The following GDAP1 variants were observed in gnomAD, a reference collection of about 807,000 sequenced individuals.
GDAP1 encodes ganglioside-induced differentiation-associated protein 1.
GDAP1 carries 34 observed loss-of-function variants against 40.1 expected under a neutral mutation model. The observed-to-expected ratio is 0.85, with a 90% CI of 0.64 to 1.13. GDAP1 has a LOEUF of 1.13. GDAP1 is among the 50% of genes most tolerant of loss of function. The probability of loss-of-function intolerance (pLI) is 0.00; values close to 1 mark genes in which losing one functional copy is unlikely to be tolerated. For missense variants in GDAP1, 374 were observed against 433.7 expected, an observed-to-expected ratio of 0.86 and a Z score of 1.22; for synonymous variants, 170 against 157.4, an observed-to-expected ratio of 1.08 and a Z score of -0.60.
Position 74,428,633 on chromosome 8 carries a change from A to ATTTTTTTTTTT in GDAP1, c.166-60027_166-60017dup, listed in dbSNP as rs1195348725. Reference sequence around the variant, plus strand: ...GGGCGTATGCCACCACACCCGGCTAATTTTTTTTTTTTTTTTTTTTTTTTT... The same window carrying ATTTTTTTTTTT: ...GGGCGTATGCCACCACACCCGGCTAATTTTTTTTTTTTTTTTTTTTTTTTTTTTTTTTTTTT... On this transcript the variant is annotated intron_variant, in intron 2 of 2. Coordinates refer to the GDAP1 transcript ENST00000523640. Among the ~76,000 whole-genome samples the ATTTTTTTTTTT allele has an allele frequency of 6.1e-4, 26 of 42,848 alleles. 5 individuals carry two copies. The highest frequency in any genetic ancestry group is 1.1e-3 in the African/African-American group (11 of 10,070). 28.1% of individuals were successfully genotyped at this position (42,848 alleles called of 152,430 possible).
intron 2 of GDAP1, among the ~76,000 whole-genome samples, chr8:74,400,458 G>T (rs1394324370): frequency 6.7e-6 from 1 of 149,674 alleles, no homozygotes; most frequent in Non-Finnish European, 1.5e-5. Flanking sequence ...CTGCACGTGA[G>T]ATGGGTTTCC....
chr8:74,361,405 C>CT (rs1343526609), intron 3 of GDAP1, among the ~76,000 whole-genome samples: 1,641 of 145,334 alleles, frequency 0.011, 36 homozygotes, highest in African/African-American at 0.036. Flanking sequence ...TTTTTCTTTT[C>CT]TTTTTTTTTT....
At chr8:74,396,311 T>A (rs945712527) in intron 2 of GDAP1, among the ~76,000 whole-genome samples, 31 of 151,896 alleles carry the variant, frequency 2.0e-4, no homozygotes, top group African/African-American at 7.0e-4. Flanking sequence ...AAAGCTTTTA[T>A]TTTTATTTAT....
intron 2 of GDAP1, among the ~76,000 whole-genome samples, chr8:74,467,302 G>A (rs775824779): frequency 6.6e-6 from 1 of 152,168 alleles, no homozygotes; most frequent in African/African-American, 2.4e-5. Context: ...GTGATCATGA[G>A]TCATGAATTA....
intron 2 of GDAP1, among the ~76,000 whole-genome samples, chr8:74,401,351 C>T (rs1434529946): frequency 4.0e-5 from 6 of 149,902 alleles, no homozygotes; most frequent in Non-Finnish European, 1.5e-5. Flanking sequence ...GCATTAGCTC[C>T]TGAGGCTTCT....
At chr8:74,471,570 G>A (rs985658135) in intron 2 of GDAP1, among the ~76,000 whole-genome samples, 1 of 151,742 alleles carries the variant, frequency 6.6e-6, no homozygotes, top group African/African-American at 2.4e-5. Context: ...TTTTTAAAAA[G>A]TATACAGTCT....
rs1397578551 is a variant in GDAP1 at position 74,364,707 on chromosome 8, A to G, written c.*340A>G. On this transcript the variant is annotated 3_prime_UTR_variant, in exon 6 of 6. Transcript: ENST00000220822. ...TCATTGGTAAACCTCACATTTAGTT[A>G]CTTGTGGCTACTGCCCACACATACA... 4 of 475,834 alleles carry G rather than the reference A, an allele frequency of 8.4e-6. No individual in the cohort carries two copies. Among genetic ancestry groups the G allele is most frequent in the South Asian group, 6.2e-5 (4 of 64,674 alleles). The allele number at this position is 475,834 out of a possible 1,614,324, so 29.5% of individuals were successfully genotyped here. A position where few individuals can be genotyped will look rare whatever the true frequency, so the allele number is the denominator to read the frequency against.
At chr8:74,458,991 T>G (rs1463487401) in intron 2 of GDAP1, among the ~76,000 whole-genome samples, 1 of 152,084 alleles carries the variant, frequency 6.6e-6, no homozygotes, top group Non-Finnish European at 1.5e-5. Flanking sequence ...GGAGAAAAAA[T>G]TTTGGTGGTT....
rs537144759 is a variant in GDAP1, at chr8:74,416,723, A to G, written c.165+65402A>G. ...AAGACATTCCTTAGCACCAGCCTGG[A>G]GTGTGGCAGTCCCACTGGGCAGCTA... On this transcript the variant is annotated intron_variant, in intron 2 of 2. Transcript: ENST00000523640. Among the ~76,000 whole-genome samples the G allele has an allele frequency of 7.3e-5, 11 of 149,686 alleles. 2 individuals are homozygous for G. The highest frequency in any genetic ancestry group is 2.8e-4 in the African/African-American group (11 of 39,076).
At chr8:74,482,363 T>G (rs925250601) in intron 2 of GDAP1, among the ~76,000 whole-genome samples, 2 of 152,150 alleles carry the variant, frequency 1.3e-5, no homozygotes, top group African/African-American at 4.8e-5. Context: ...GCCTATCACC[T>G]CTACTTCCTC....
intron 2 of GDAP1, among the ~76,000 whole-genome samples, chr8:74,388,914 A>G (rs10093087): frequency 0.36 from 55,105 of 151,944 alleles, 10,415 homozygotes; most frequent in Middle Eastern, 0.46. Context: ...TGTTGCATTG[A>G]TCCCTTTACC....
At chr8:74,388,767 C>T (rs374548405) in intron 2 of GDAP1, among the ~76,000 whole-genome samples, 8 of 151,990 alleles carry the variant, frequency 5.3e-5, no homozygotes, top group South Asian at 4.2e-4. Flanking sequence ...TGTCTAATAT[C>T]GACAGTGAGG....
intron 3 of GDAP1, 39 bp downstream of exon 3, chr8:74,360,349 A>G (rs748383754): frequency 1.4e-5 from 21 of 1,530,754 alleles, no homozygotes; most frequent in Non-Finnish European, 1.9e-5. Context: ...TCTGTCTGAC[A>G]CTTTCTTTTA....
chr8:74,429,952 C>T (rs986670810), intron 2 of GDAP1, among the ~76,000 whole-genome samples: 6 of 152,156 alleles, frequency 3.9e-5, no homozygotes, highest in East Asian at 1.9e-4. Flanking sequence ...TTGCACATCA[C>T]GGACAGTGTT....
At chr8:74,402,073 T>A (rs1179151346) in intron 2 of GDAP1, among the ~76,000 whole-genome samples, 1 of 150,082 alleles carries the variant, frequency 6.7e-6, no homozygotes, top group East Asian at 1.9e-4. Context: ...GAACCACTGC[T>A]CTCTTCAAAG....
In GDAP1 at chr8:74,418,972, A is replaced by G. The variant is rs113894993; in HGVS notation, c.165+67651A>G. Among the ~76,000 whole-genome samples, 1,192 of 152,332 alleles carry G rather than the reference A, an allele frequency of 7.8e-3. 18 individuals carry two copies. Among genetic ancestry groups the G allele is most frequent in the African/African-American group, 0.027 (1,136 of 41,580 alleles). On this transcript the variant is annotated intron_variant, in intron 2 of 2. Coordinates refer to the GDAP1 transcript ENST00000523640. ...TGTTAAAGAAATTCAAATTAGAAGC[A>G]TGGTAAAATAACAGCAAAACGTTTA...
intron 2 of GDAP1, among the ~76,000 whole-genome samples, chr8:74,467,700 A>C (rs1467662026): frequency 6.6e-6 from 1 of 152,186 alleles, no homozygotes; most frequent in Non-Finnish European, 1.5e-5. Context: ...TATGGAGTGA[A>C]TAGCCAAAGC....
At chr8:74,441,074 T>C (rs1196625206) in intron 2 of GDAP1, among the ~76,000 whole-genome samples, 2 of 152,190 alleles carry the variant, frequency 1.3e-5, no homozygotes, top group African/African-American at 2.4e-5. Flanking sequence ...AGTATTCTAA[T>C]AGTACTTTTC....
rs1384398600 is a variant in GDAP1, at chr8:74,375,262, G to T, written c.165+23941G>T. On this transcript the variant is annotated intron_variant, in intron 2 of 2. Transcript: ENST00000523640. Reference sequence around the variant, plus strand: ...GAATCTCTTGAACCTGGGAGGCAGAGGTTGCAGTGAGCCGAGATCGCGCCA... The same window carrying T: ...GAATCTCTTGAACCTGGGAGGCAGATGTTGCAGTGAGCCGAGATCGCGCCA... 2.0e-5 allele frequency among the ~76,000 whole-genome samples: 3 copies of T among 152,200 alleles called. No homozygotes were observed. The East Asian group carries it at 5.8e-4, about 29-fold the overall frequency.
Sources: allele counts gnomAD v4.1 joint callset (sites outside exome capture counted in the v4.1 genomes callset), GRCh38; gene constraint gnomAD v4.1.1; transcripts MANE v1.5; gene names NCBI Gene and HGNC (gene_info 2026-07-23, HGNC 2026-07-21).